CTNNA3: variants seen among roughly 807,000 people sequenced by gnomAD.
CTNNA3 encodes the protein catenin alpha-3.
In CTNNA3, 76 loss-of-function variants were observed where a neutral mutation model predicts 95.7. The observed-to-expected ratio is 0.79, with a 90% CI of 0.66 to 0.96. The LOEUF is 0.96. CTNNA3 is among the 40% of genes least tolerant of loss of function. The probability of loss-of-function intolerance (pLI) is 0.00; values close to 1 mark genes in which losing one functional copy is unlikely to be tolerated. For missense variants in CTNNA3, 1,191 were observed against 1,089.8 expected, an observed-to-expected ratio of 1.09 and a Z score of -1.31; for synonymous variants, 431 against 374.4, an observed-to-expected ratio of 1.15 and a Z score of -1.74.
At chr10:66,154,395 T>A (rs929103071) in intron 13 of CTNNA3, among the ~76,000 whole-genome samples, 13 of 151,754 alleles carry the variant, frequency 8.6e-5, no homozygotes, top group African/African-American at 2.7e-4. Context: ...CTACGACAGG[T>A]CTTTTGGAAT....
At chr10:66,335,726 G>A (rs553001366) in intron 12 of CTNNA3, among the ~76,000 whole-genome samples, 24 of 152,238 alleles carry the variant, frequency 1.6e-4, no homozygotes, top group South Asian at 6.2e-4. Flanking sequence ...CTCCAGCTGC[G>A]TGCTGGGAGA....
intron 7 of CTNNA3, among the ~76,000 whole-genome samples, chr10:66,984,370 G>C (rs1221233975): frequency 6.6e-6 from 1 of 152,142 alleles, no homozygotes; most frequent in Non-Finnish European, 1.5e-5. Context: ...GGGGGAACAA[G>C]AAGGAAGGTT....
intron 4 of CTNNA3, among the ~76,000 whole-genome samples, chr10:67,526,047 C>A (rs148925160): frequency 1.5e-3 from 223 of 151,984 alleles, no homozygotes; most frequent in African/African-American, 5.1e-3. Flanking sequence ...GTTTCTGGAG[C>A]CTAAAGCAGA....
chr10:66,130,780 C>T (rs188157409), intron 13 of CTNNA3, among the ~76,000 whole-genome samples: 4 of 150,738 alleles, frequency 2.7e-5, no homozygotes, highest in South Asian at 2.1e-4. Context: ...TGCTTGAACC[C>T]GGGAGGTGGA....
intron 15 of CTNNA3, among the ~76,000 whole-genome samples, chr10:66,059,692 C>T (rs1206078466): frequency 6.6e-6 from 1 of 152,020 alleles, no homozygotes; most frequent in East Asian, 1.9e-4. Context: ...AGGACAAGGA[C>T]AGTACCTAAT....
At chr10:67,701,317 T>A (rs969699818) in intron 1 of CTNNA3, among the ~76,000 whole-genome samples, 9 of 151,920 alleles carry the variant, frequency 5.9e-5, no homozygotes, top group Non-Finnish European at 1.0e-4. Context: ...CCAAGACACA[T>A]AATTGTCAGA....
At chr10:66,856,145 T>G (rs1047629140) in intron 7 of CTNNA3, among the ~76,000 whole-genome samples, 5 of 151,984 alleles carry the variant, frequency 3.3e-5, no homozygotes, top group Admixed American at 6.6e-5. Flanking sequence ...TAATGTTTAG[T>G]TCCCACCTGT....
At chr10:67,563,900 C>A (rs1278955145) in intron 3 of CTNNA3, among the ~76,000 whole-genome samples, 1 of 149,274 alleles carries the variant, frequency 6.7e-6, no homozygotes, top group Non-Finnish European at 1.5e-5. Context: ...AAATGCTCAT[C>A]ATCACTGGCC....
At chr10:66,132,114 A>G (rs1235480647) in intron 13 of CTNNA3, among the ~76,000 whole-genome samples, 1 of 152,128 alleles carries the variant, frequency 6.6e-6, no homozygotes, top group African/African-American at 2.4e-5. Context: ...TAAACAGACA[A>G]CCTACAGAAT....
chr10:66,912,246 C>G (rs1187253037), intron 7 of CTNNA3, among the ~76,000 whole-genome samples: 1 of 152,114 alleles, frequency 6.6e-6, no homozygotes. Context: ...GAACCATACA[C>G]ATATGTATCA....
At chr10:66,827,342 A>T (rs1427206791) in intron 7 of CTNNA3, among the ~76,000 whole-genome samples, 1 of 152,090 alleles carries the variant, frequency 6.6e-6, no homozygotes, top group African/African-American at 2.4e-5. Flanking sequence ...CATATTAGAC[A>T]TGTTTATTAA....
At chr10:66,155,182 A>G (rs2084426700) in intron 13 of CTNNA3, among the ~76,000 whole-genome samples, 1 of 151,872 alleles carries the variant, frequency 6.6e-6, no homozygotes, top group South Asian at 2.1e-4. Context: ...ACAGAAGTAC[A>G]GAGACTCATA....
intron 13 of CTNNA3, among the ~76,000 whole-genome samples, chr10:66,169,923 C>T (rs1485331816): frequency 6.6e-6 from 1 of 152,010 alleles, no homozygotes; most frequent in Non-Finnish European, 1.5e-5. Flanking sequence ...GATATTAGTC[C>T]TTTGTCAGAT....
chr10:66,290,595 GAA>G (rs1348160756), intron 12 of CTNNA3, among the ~76,000 whole-genome samples: 1 of 152,030 alleles, frequency 6.6e-6, no homozygotes, highest in Non-Finnish European at 1.5e-5. Context: ...ATGATGTTAA[GAA>G]AATGCAAAAG....
At chr10:67,122,293 C>T (rs955076326) in intron 7 of CTNNA3, among the ~76,000 whole-genome samples, 3 of 151,910 alleles carry the variant, frequency 2.0e-5, no homozygotes, top group Non-Finnish European at 2.9e-5. Flanking sequence ...TATTTTCTAA[C>T]TTTGTCTTTA....
At position 66,978,063 on chromosome 10, in the gene CTNNA3, TATATACACAC is replaced by T. The variant is rs765484680; in HGVS notation, c.1047+202244_1047+202253del. Reference sequence around the variant, plus strand: ...ATAAATTTGCACACACATATATATATATATACACACACACACACACACACACACATGCGAT... The same window carrying T: ...ATAAATTTGCACACACATATATATATACACACACACACACACACATGCGAT... On this transcript the variant is annotated intron_variant, in intron 7 of 17. Transcript: ENST00000433211. 5.2e-4 allele frequency among the ~76,000 whole-genome samples: 51 copies of T among 97,346 alleles called. No individual in the cohort carries two copies. In the South Asian group the frequency reaches 6.1e-3, roughly 12 times the overall value. The allele number at this position is 97,346 out of a possible 152,430, so 63.9% of individuals were successfully genotyped here. A position where few individuals can be genotyped will look rare whatever the true frequency, so the allele number is the denominator to read the frequency against.
chr10:66,654,365 C>T (rs77927572), intron 9 of CTNNA3, among the ~76,000 whole-genome samples: 3,514 of 152,062 alleles, frequency 0.023, 142 homozygotes, highest in African/African-American at 0.081. Context: ...TTCAACTTCA[C>T]TAACCATTAA....
At chr10:67,125,978 C>T (rs1011227370) in intron 7 of CTNNA3, among the ~76,000 whole-genome samples, 3 of 152,160 alleles carry the variant, frequency 2.0e-5, no homozygotes, top group South Asian at 2.1e-4. Context: ...TGGTTTTTCA[C>T]GTTCTGTTAA....
At chr10:66,244,510 T>G (rs572042513) in intron 13 of CTNNA3, among the ~76,000 whole-genome samples, 1 of 152,272 alleles carries the variant, frequency 6.6e-6, no homozygotes, top group South Asian at 2.1e-4. Context: ...AGTGGGGCCC[T>G]GTGTCATCCC....
Sources: allele counts gnomAD v4.1 joint callset (sites outside exome capture counted in the v4.1 genomes callset), GRCh38; gene constraint gnomAD v4.1.1; transcripts MANE v1.5; gene names NCBI Gene and HGNC (gene_info 2026-07-23, HGNC 2026-07-21).